Variants in MARCHF1 observed in about 807,000 individuals in gnomAD.
The protein encoded by MARCHF1 is membrane associated ring-CH-type finger 1, also known as E3 ubiquitin-protein ligase MARCHF1.
MARCHF1 carries 40 observed loss-of-function variants against 54.2 expected under a neutral mutation model. The ratio of observed to expected loss-of-function variants is 0.74; its 90% CI spans 0.57 to 0.96. The LOEUF is 0.96. Ranked by LOEUF, MARCHF1 falls within the 40% of genes least tolerant of loss-of-function variation. MARCHF1 has a pLI of 0.00. For missense variants in MARCHF1, 586 were observed against 656.5 expected, an observed-to-expected ratio of 0.89 and a Z score of 1.17; for synonymous variants, 236 against 236.3, an observed-to-expected ratio of 1.00 and a Z score of 0.01.
intron 2 of MARCHF1, among the ~76,000 whole-genome samples, chr4:164,027,530 G>A (rs572496200): frequency 7.2e-5 from 11 of 152,048 alleles, no homozygotes; most frequent in African/African-American, 2.7e-4. Context: ...ATGGTGCTGG[G>A]ATAACTGGCT....
At chr4:164,014,790 A>T (rs1396746238) in intron 2 of MARCHF1, among the ~76,000 whole-genome samples, 1 of 152,228 alleles carries the variant, frequency 6.6e-6, no homozygotes, top group Non-Finnish European at 1.5e-5. Context: ...GAAAATGGTC[A>T]TTATATAATG....
At chr4:164,281,247 A>T (rs2111338059) in intron 1 of MARCHF1, among the ~76,000 whole-genome samples, 1 of 152,300 alleles carries the variant, frequency 6.6e-6, no homozygotes, top group South Asian at 2.1e-4. Context: ...TGTTCAGTTC[A>T]TTCATGCTAC....
At chr4:164,349,788 G>A (rs1039836974) in intron 1 of MARCHF1, among the ~76,000 whole-genome samples, 4 of 152,096 alleles carry the variant, frequency 2.6e-5, no homozygotes, top group African/African-American at 7.2e-5. Flanking sequence ...CAGCACTTGA[G>A]GTAAAACAGG....
chr4:163,957,350 G>A (rs1351792409), intron 3 of MARCHF1, among the ~76,000 whole-genome samples: 1 of 152,014 alleles, frequency 6.6e-6, no homozygotes, highest in African/African-American at 2.4e-5. Context: ...CCATGCAGCA[G>A]AACAAACTAG....
At chr4:164,340,916 CAAAAAA>C (rs35543676) in intron 1 of MARCHF1, among the ~76,000 whole-genome samples, 2 of 96,318 alleles carry the variant, frequency 2.1e-5, no homozygotes, top group East Asian at 2.3e-4. Flanking sequence ...GAGGGCACTA[CAAAAAA>C]AAAAAAAAAA....
chr4:163,737,192 GTTTATTTA>G (rs1420478211), intron 4 of MARCHF1, among the ~76,000 whole-genome samples: 1 of 79,812 alleles, frequency 1.3e-5, no homozygotes, highest in African/African-American at 4.2e-5. Context: ...TCACATATTA[GTTTATTTA>G]TTTATTTTTT....
Position 163,879,804 on chromosome 4 carries a change from CGT to C in MARCHF1, c.-38-25637_-38-25636del, listed in dbSNP as rs60539215. Among the ~76,000 whole-genome samples, 1,376 of 148,460 alleles carry C rather than the reference CGT, an allele frequency of 9.3e-3. 8 individuals carry two copies. Among genetic ancestry groups the C allele is most frequent in the Middle Eastern group, 0.017 (5 of 292 alleles). On this transcript the variant is annotated intron_variant, in intron 3 of 9. Coordinates refer to ENST00000514618, the MANE Select transcript of MARCHF1 (RefSeq NM_001394959.1). ...ATTTGTTAAAGAAAGGATTTAGAGG[CGT>C]GTGTGTGTGTGTGTGTGTGTGTGTG...
intron 1 of MARCHF1, among the ~76,000 whole-genome samples, chr4:164,145,225 C>G (rs549292611): frequency 1.3e-3 from 198 of 152,100 alleles, no homozygotes; most frequent in Non-Finnish European, 2.0e-3. Context: ...GGATTCACAG[C>G]CGAATTTTAC....
chr4:163,766,725 CAA>C (rs1170024936), intron 4 of MARCHF1, among the ~76,000 whole-genome samples: 1 of 152,120 alleles, frequency 6.6e-6, no homozygotes, highest in Non-Finnish European at 1.5e-5. Flanking sequence ...GAAATTTCCT[CAA>C]AGAGACAAAC....
intron 2 of MARCHF1, among the ~76,000 whole-genome samples, chr4:163,998,021 G>T (rs1008812958): frequency 6.8e-6 from 1 of 147,960 alleles, no homozygotes; most frequent in East Asian, 2.0e-4. Flanking sequence ...CTTAATATAG[G>T]TACTAAAAAT....
intron 5 of MARCHF1, among the ~76,000 whole-genome samples, chr4:163,694,824 T>G (rs1181059974): frequency 6.6e-6 from 1 of 152,102 alleles, no homozygotes; most frequent in Non-Finnish European, 1.5e-5. Flanking sequence ...TGAGTGTATA[T>G]AAATAACATG....
At chr4:163,982,618 G>A (rs990177169) in intron 3 of MARCHF1, among the ~76,000 whole-genome samples, 1 of 152,142 alleles carries the variant, frequency 6.6e-6, no homozygotes, top group East Asian at 1.9e-4. Context: ...TTGGAAAATT[G>A]TTTGGTTTTT....
intron 1 of MARCHF1, among the ~76,000 whole-genome samples, chr4:164,276,509 A>G (rs949533149): frequency 1.3e-5 from 2 of 151,624 alleles, no homozygotes; most frequent in Non-Finnish European, 2.9e-5. Flanking sequence ...CACACACACT[A>G]TATGTGGACA....
intron 3 of MARCHF1, among the ~76,000 whole-genome samples, chr4:163,877,177 C>T (rs1750307697): frequency 6.6e-6 from 1 of 152,154 alleles, no homozygotes; most frequent in Admixed American, 6.5e-5. Context: ...CTTCTTTGAT[C>T]TGTTATCACT....
chr4:163,838,432 T>C (rs1183463232), intron 4 of MARCHF1, among the ~76,000 whole-genome samples: 1 of 152,056 alleles, frequency 6.6e-6, no homozygotes, highest in Non-Finnish European at 1.5e-5. Context: ...GGCTCCAACA[T>C]TGGTTGAATC....
intron 7 of MARCHF1, among the ~76,000 whole-genome samples, chr4:163,610,418 T>C (rs1741297248): frequency 6.6e-6 from 1 of 152,126 alleles, no homozygotes; most frequent in Non-Finnish European, 1.5e-5. Flanking sequence ...AAATTAAATA[T>C]CCTGTCTTTG....
At chr4:164,368,066 T>A (rs1730928875) in intron 1 of MARCHF1, among the ~76,000 whole-genome samples, 1 of 149,920 alleles carries the variant, frequency 6.7e-6, no homozygotes, top group Non-Finnish European at 1.5e-5. Flanking sequence ...CAATAAAAGA[T>A]TAAACCCAAG....
At chr4:164,147,936 G>C (rs1729808329) in intron 1 of MARCHF1, among the ~76,000 whole-genome samples, 1 of 151,622 alleles carries the variant, frequency 6.6e-6, no homozygotes, top group Non-Finnish European at 1.5e-5. Context: ...CTGGATTTTA[G>C]ATAAATATAG....
chr4:164,188,700 T>TG, intron 1 of MARCHF1: 1 of 1,079,516 alleles, frequency 9.3e-7, no homozygotes, highest in Non-Finnish European at 1.4e-6. Flanking sequence ...GACCTGTCTA[T>TG]GCAGCAGGAC....
Sources: gnomAD v4.1 joint callset for allele counts (sites outside exome capture counted in the v4.1 genomes callset) on GRCh38, gnomAD v4.1.1 for gene constraint, MANE v1.5 for transcripts, NCBI Gene and HGNC (gene_info 2026-07-23, HGNC 2026-07-21) for gene names.